Variants in GOSR1 observed in about 807,000 individuals in gnomAD.
GOSR1 encodes the protein golgi SNAP receptor complex member 1, also known as 28 kDa Golgi SNARE protein.
Under a neutral mutation model 35.5 loss-of-function variants are expected in GOSR1, and 21 were observed. The ratio of observed to expected loss-of-function variants is 0.59; its 90% CI spans 0.42 to 0.85. The LOEUF is 0.85. Ranked by LOEUF, GOSR1 falls within the 40% of genes least tolerant of loss-of-function variation. The probability of loss-of-function intolerance (pLI) is 0.00; values close to 1 mark genes in which losing one functional copy is unlikely to be tolerated. For synonymous variants in GOSR1, 94 were observed against 106.6 expected (o/e 0.88, Z 0.73); for missense variants, 285 against 309.6 (o/e 0.92, Z 0.60).
chr17:30,527,126 G>A lies in GOSR1; in HGVS notation c.*4748G>A, dbSNP rs1022723217. ...TAATCCCAGCAGTTCGAGAGGCCGA[G>A]GCAGGAGGATTGCTTGAGACCAGGG... is the stretch of plus-strand genomic sequence containing the variant. On this transcript the variant is annotated 3_prime_UTR_variant, in exon 9 of 9. Transcript: ENST00000451249. The A allele has an allele frequency of 6.6e-6, 1 of 152,254 alleles. No homozygotes were observed. Among genetic ancestry groups the A allele is most frequent in the African/African-American group, 2.4e-5 (1 of 41,458 alleles). 9.4% of individuals were successfully genotyped at this position (152,254 alleles called of 1,614,324 possible). A position where few individuals can be genotyped will look rare whatever the true frequency, so the allele number is the denominator to read the frequency against.
chr17:30,521,963 C>T (rs1427940620), intron 8 of GOSR1, among the ~76,000 whole-genome samples: 1 of 152,156 alleles, frequency 6.6e-6, no homozygotes, highest in Non-Finnish European at 1.5e-5. Context: ...TGGCAGTAAG[C>T]CCTCAGTGCT....
chr17:30,493,709 A>G (rs758296239), intron 6 of GOSR1, among the ~76,000 whole-genome samples: 1 of 152,226 alleles, frequency 6.6e-6, no homozygotes, highest in Non-Finnish European at 1.5e-5. Context: ...AATTGAAATG[A>G]CACATTACTA....
intron 6 of GOSR1, among the ~76,000 whole-genome samples, chr17:30,507,990 T>C (rs1478981593): frequency 6.6e-6 from 1 of 152,150 alleles, no homozygotes; most frequent in Non-Finnish European, 1.5e-5. Flanking sequence ...TGAAACAAGC[T>C]CTACTGGGGG....
In GOSR1 at chr17:30,525,310, G is replaced by A. The variant is rs190890735; in HGVS notation, c.*2932G>A. The stretch of plus-strand genomic sequence containing the variant: ...GTCAAAGTTTTGTTACATTATGGGT[G>A]TGAAGGGCATTTGATATATTTTTCT... On this transcript the variant is annotated 3_prime_UTR_variant, in exon 9 of 9. Transcript: ENST00000451249. 16 of 152,332 alleles carry A rather than the reference G, an allele frequency of 1.1e-4. No homozygotes were observed. The highest frequency in any genetic ancestry group is 9.8e-4 in the Admixed American group (15 of 15,308). 9.4% of individuals were successfully genotyped at this position (152,332 alleles called of 1,614,324 possible). A position where few individuals can be genotyped will look rare whatever the true frequency, so the allele number is the denominator to read the frequency against.
chr17:30,498,215 G>A (rs1243793006), intron 6 of GOSR1, among the ~76,000 whole-genome samples: 2 of 150,762 alleles, frequency 1.3e-5, no homozygotes, highest in Admixed American at 6.6e-5. Context: ...TTCTTCATGT[G>A]CATATCCGGA....
intron 4 of GOSR1, among the ~76,000 whole-genome samples, chr17:30,487,269 T>TA (rs1914736924): frequency 6.6e-6 from 1 of 152,108 alleles, no homozygotes; most frequent in African/African-American, 2.4e-5. Context: ...TCAGAGATTT[T>TA]AAAAAAACAA....
intron 3 of GOSR1, 78 bp from the exon 4 acceptor site, chr17:30,484,585 A>G (rs1915215807): frequency 1.3e-6 from 1 of 741,230 alleles, no homozygotes; most frequent in Non-Finnish European, 2.3e-6. Flanking sequence ...AAAAGGGCAT[A>G]TAGGCAAATA....
At chr17:30,485,746 G>C (rs1386978940) in intron 4 of GOSR1, among the ~76,000 whole-genome samples, 1 of 152,202 alleles carries the variant, frequency 6.6e-6, no homozygotes, top group Non-Finnish European at 1.5e-5. Flanking sequence ...AGATGGCCGG[G>C]CGCAGTGGCT....
intron 2 of GOSR1, 118 bp from the exon 3 acceptor site, chr17:30,484,096 C>A: frequency 1.6e-6 from 1 of 635,054 alleles, no homozygotes; most frequent in African/African-American, 1.8e-5. Context: ...TCTCACAGAC[C>A]CTATATAACA....
At chr17:30,507,999 G>A (rs902988952) in intron 6 of GOSR1, among the ~76,000 whole-genome samples, 14 of 152,272 alleles carry the variant, frequency 9.2e-5, no homozygotes, top group Middle Eastern at 3.4e-3. Context: ...CTCTACTGGG[G>A]GCAAAATGCT....
At chr17:30,505,590 G>A (rs757850949) in intron 6 of GOSR1, among the ~76,000 whole-genome samples, 2 of 151,998 alleles carry the variant, frequency 1.3e-5, no homozygotes, top group Non-Finnish European at 1.5e-5. Context: ...GTTACATTTC[G>A]GTAACAGTAT....
rs368275554 is a variant in GOSR1 at position 30,507,336 on chromosome 17, G to A, written c.510-3544G>A. Among the ~76,000 whole-genome samples, 79 of 152,308 alleles carry A rather than the reference G, an allele frequency of 5.2e-4. 1 individual carries two copies. Among genetic ancestry groups the A allele is most frequent in the African/African-American group, 1.6e-3 (67 of 41,556 alleles). On this transcript the variant is annotated intron_variant, in intron 6 of 8. Transcript: ENST00000451249. Reference sequence around the variant, plus strand: ...AATTTGGAAGAAATTGATTTCAACCGTCATGAATAACTTTGAGGGGTTCAA... The same window carrying A: ...AATTTGGAAGAAATTGATTTCAACCATCATGAATAACTTTGAGGGGTTCAA...
In GOSR1 at chr17:30,488,081, A is replaced by C. The variant is rs536839555; in HGVS notation, c.343-2045A>C. Among the ~76,000 whole-genome samples the C allele has an allele frequency of 5.5e-5, 8 of 145,038 alleles. No individual in the cohort carries two copies. In the South Asian group the frequency reaches 1.8e-3, roughly 32 times the overall value. On this transcript the variant is annotated intron_variant, in intron 4 of 8. Transcript: ENST00000451249. ...GAGCCACCGTACCCAGCCCTGATCC[A>C]ATTATTCTATTGCTAGTCATTTACT...
At chr17:30,481,312 T>TA in intron 2 of GOSR1, 55 bp downstream of exon 2, 1 of 1,341,292 alleles carries the variant, frequency 7.5e-7, no homozygotes, top group Non-Finnish European at 1.0e-6. Flanking sequence ...TTTAAAGCAT[T>TA]AAAAAATAAA....
At chr17:30,500,176 T>G (rs910157195) in intron 6 of GOSR1, among the ~76,000 whole-genome samples, 3 of 152,198 alleles carry the variant, frequency 2.0e-5, no homozygotes, top group African/African-American at 7.2e-5. Flanking sequence ...GTTTTTAATT[T>G]TGATGAAATC....
chr17:30,479,168 C>T (rs1364495419), intron 1 of GOSR1: 1 of 152,240 alleles, frequency 6.6e-6, no homozygotes, highest in Non-Finnish European at 1.5e-5. Flanking sequence ...ATGTTAACTA[C>T]GCTTTCTATT....
chr17:30,511,806 C>T (rs1967623887), intron 7 of GOSR1, among the ~76,000 whole-genome samples: 1 of 152,180 alleles, frequency 6.6e-6, no homozygotes, highest in Non-Finnish European at 1.5e-5. Flanking sequence ...GCAGAGATTA[C>T]AGGTGTGAGC....
intron 6 of GOSR1, among the ~76,000 whole-genome samples, chr17:30,497,234 A>AAAT (rs931228482): frequency 1.3e-5 from 2 of 152,092 alleles, no homozygotes; most frequent in Non-Finnish European, 2.9e-5. Context: ...TCTGTCTCTG[A>AAAT]AATAATAATA....
chr17:30,495,508 A>G, intron 6 of GOSR1: 1 of 449,956 alleles, frequency 2.2e-6, no homozygotes, highest in South Asian at 1.6e-5. Flanking sequence ...GGATTCCTTT[A>G]ATGCCAGTGG....
Sources: allele counts gnomAD v4.1 joint callset (sites outside exome capture counted in the v4.1 genomes callset), GRCh38; gene constraint gnomAD v4.1.1; transcripts MANE v1.5; gene names NCBI Gene and HGNC (gene_info 2026-07-23, HGNC 2026-07-21).